CACNA1C: variants seen among roughly 807,000 people sequenced by gnomAD.
CACNA1C encodes the protein calcium voltage-gated channel subunit alpha1 C, also known as voltage-dependent L-type calcium channel subunit alpha-1C.
A neutral mutation model predicts 229.0 loss-of-function variants in CACNA1C; 30 were observed. The ratio of observed to expected loss-of-function variants is 0.13; its 90% CI spans 0.10 to 0.18. CACNA1C has a LOEUF of 0.18. CACNA1C is among the 10% of genes least tolerant of loss of function. CACNA1C has a pLI of 1.00. For synonymous variants in CACNA1C, 1,114 were observed against 1,132.5 expected (o/e 0.98, Z 0.33); for missense variants, 1,658 against 2,845.0 (o/e 0.58, Z 9.49).
chr12:2,165,177 C>T (rs1343516196), intron 3 of CACNA1C, among the ~76,000 whole-genome samples: 1 of 152,192 alleles, frequency 6.6e-6, no homozygotes, highest in Non-Finnish European at 1.5e-5. Context: ...GTGAGTGATT[C>T]AAACAGGCTG....
In CACNA1C at chr12:2,135,593, G is replaced by C. The variant is rs1419302850; in HGVS notation, c.477+15163G>C. ...GAGAGGTGTCAGTCTGCCCCTGCTGGGGGGTGCCTCCCAGTTAGGCTGCTC... is the reference window on the plus strand; with the variant it reads ...GAGAGGTGTCAGTCTGCCCCTGCTGCGGGGTGCCTCCCAGTTAGGCTGCTC... On this transcript the variant is annotated intron_variant, in intron 3 of 46. Transcript: ENST00000399655. Among the ~76,000 whole-genome samples, 17 of 136,298 alleles carry C rather than the reference G, an allele frequency of 1.2e-4. 1 individual carries two copies. In the East Asian group the frequency reaches 1.4e-3, roughly 11 times the overall value. 89.4% of individuals were successfully genotyped at this position (136,298 alleles called of 152,430 possible).
At chr12:2,113,511 C>T (rs2082575721) in intron 1 of CACNA1C, among the ~76,000 whole-genome samples, 1 of 152,108 alleles carries the variant, frequency 6.6e-6, no homozygotes, top group South Asian at 2.1e-4. Flanking sequence ...CCAGCAGCTT[C>T]CCTGGAAGAC....
At position 2,519,884 on chromosome 12, in the gene CACNA1C, G is replaced by C. The variant is rs188668270; in HGVS notation, c.1390+6900G>C. Among the ~76,000 whole-genome samples, 346 of 152,380 alleles carry C rather than the reference G, an allele frequency of 2.3e-3. 2 individuals are homozygous for C. The highest frequency in any genetic ancestry group is 3.5e-3 in the Non-Finnish European group (236 of 68,046). On this transcript the variant is annotated intron_variant, in intron 9 of 46. Transcript: ENST00000399655. ...ACCTTTGGAGCACAGCCTGGCTGCT[G>C]TGCTATCTGGCCCCGTAAGTGTACA...
At position 2,467,715 on chromosome 12, in the gene CACNA1C, C is replaced by A. The variant is rs1292995049; in HGVS notation, c.757+10009C>A. On this transcript the variant is annotated intron_variant, in intron 5 of 46. Transcript: ENST00000399655. This position sits in a 1 kb window ranked among gnomAD's most constrained non-coding sequence, Gnocchi z 4.6. ...CACCTGCCAGGCCCACCCTCTCCCC[C>A]GGTGTCTCCTGATCTCCCAGTGTGG... Among the ~76,000 whole-genome samples, 1 of 152,206 alleles carries A rather than the reference C, an allele frequency of 6.6e-6. No homozygotes were observed. The highest frequency in any genetic ancestry group is 2.4e-5 in the African/African-American group (1 of 41,460).
chr12:2,395,582 A>G (rs939559618), intron 3 of CACNA1C, among the ~76,000 whole-genome samples: 4 of 152,070 alleles, frequency 2.6e-5, no homozygotes, highest in African/African-American at 9.7e-5. Flanking sequence ...CAGAGGCTGT[A>G]GTTACAGGGA....
intron 3 of CACNA1C, among the ~76,000 whole-genome samples, chr12:2,199,159 A>G (rs1350821467): frequency 1.3e-5 from 2 of 152,058 alleles, no homozygotes; most frequent in Non-Finnish European, 2.9e-5. Flanking sequence ...GCCACGAATT[A>G]TACTTCCTCA....
At chr12:2,228,753 A>G (rs1249528083) in intron 3 of CACNA1C, among the ~76,000 whole-genome samples, 7 of 152,152 alleles carry the variant, frequency 4.6e-5, no homozygotes, top group Admixed American at 4.6e-4. Context: ...GCTACCTGGC[A>G]TGAACAGTGC....
rs552549958 is a variant in CACNA1C, at chr12:2,493,490, C to T, written c.1113+104C>T. 10 of 827,570 alleles carry T rather than the reference C, an allele frequency of 1.2e-5. No homozygotes were observed. The highest frequency in any genetic ancestry group is 6.1e-5 in the Admixed American group (3 of 49,006). The allele number at this position is 827,570 out of a possible 1,614,324, so 51.3% of individuals were successfully genotyped here. A position where few individuals can be genotyped will look rare whatever the true frequency, so the allele number is the denominator to read the frequency against. On this transcript the variant is annotated intron_variant, in intron 7 of 46. Transcript: ENST00000399655. The surrounding 1 kb of genome is among the most constrained non-coding windows in gnomAD (Gnocchi z 4.6). The stretch of plus-strand genomic sequence containing the variant: ...CTCCCCATGGTCTTGGGGTCACATA[C>T]GCATCTTGATGGAATGGTTGATGAA...
rs2099699231 is a variant in CACNA1C, at chr12:2,486,723, T to A, written c.916+461T>A. Among the ~76,000 whole-genome samples the A allele has an allele frequency of 6.6e-6, 1 of 152,216 alleles. No homozygotes were observed. Among genetic ancestry groups the A allele is most frequent in the Admixed American group, 6.5e-5 (1 of 15,284 alleles). On this transcript the variant is annotated intron_variant, in intron 6 of 46. Coordinates refer to ENST00000399655, the MANE Select transcript of CACNA1C (RefSeq NM_000719.7). The surrounding 1 kb of genome is among the most constrained non-coding windows in gnomAD (Gnocchi z 4.9). ...TCCCAGCACCACTCTAAGATTTTTC[T>A]ACCTTCATGGTGCTGATTCCAGATC...
intron 4 of CACNA1C, among the ~76,000 whole-genome samples, chr12:2,452,236 A>G (rs886264974): frequency 6.6e-6 from 1 of 151,770 alleles, no homozygotes; most frequent in African/African-American, 2.4e-5. Flanking sequence ...GGCACAAGAC[A>G]CGTGGCATTT....
Position 2,582,867 on chromosome 12 carries a change from A to G in CACNA1C, c.2149A>G (p.Met717Val). ...GAATTCGGTGATGTATGATGGGATC[A>G]TGGCTTATGGCGGCCCCTCTTTTCC... ...DWNSVMYDGI[M>V]AYGGPSFPGM... is the part of the protein sequence containing the mutation. The change falls in exon 15 of 47, where the codon ATG (methionine) becomes GTG (valine). Residue 717 changes from methionine (M) to valine (V), a missense_variant. This residue lies in a region of CACNA1C where 30 missense variants were observed against 73.2 expected (regional missense o/e 0.41). Coordinates refer to ENST00000399655, the MANE Select transcript of CACNA1C (RefSeq NM_000719.7). 2 of 1,612,172 alleles carry G rather than the reference A, an allele frequency of 1.2e-6. No homozygotes were observed. Among genetic ancestry groups the G allele is most frequent in the Non-Finnish European group, 1.7e-6 (2 of 1,178,958 alleles).
chr12:2,096,487 A>T (rs1036454823), intron 1 of CACNA1C, among the ~76,000 whole-genome samples: 3 of 151,976 alleles, frequency 2.0e-5, no homozygotes, highest in African/African-American at 4.8e-5. Flanking sequence ...CTGAGGACAG[A>T]CCTCTTTCTC....
intron 1 of CACNA1C, among the ~76,000 whole-genome samples, chr12:2,003,903 C>T (rs905708266): frequency 2.0e-5 from 3 of 152,144 alleles, no homozygotes; most frequent in African/African-American, 7.2e-5. Flanking sequence ...GCTGTCCCTG[C>T]CTCCCCCATA....
At chr12:2,140,962 A>C (rs1190975077) in intron 3 of CACNA1C, among the ~76,000 whole-genome samples, 1 of 151,260 alleles carries the variant, frequency 6.6e-6, no homozygotes, top group Non-Finnish European at 1.5e-5. Context: ...GTTCCAGGGT[A>C]AGGGCCCACC....
rs1447370487 is a variant in CACNA1C at position 2,486,841 on chromosome 12, C to G, written c.916+579C>G. ...GGAGGAGGGCAGGTGGGAATCACCC[C>G]CTTGCCGGCAGCCAAACTTCCTCCC... On this transcript the variant is annotated intron_variant, in intron 6 of 46. Coordinates refer to ENST00000399655, the MANE Select transcript of CACNA1C (RefSeq NM_000719.7). The surrounding 1 kb of genome is among the most constrained non-coding windows in gnomAD (Gnocchi z 4.9). 1.3e-5 allele frequency among the ~76,000 whole-genome samples: 2 copies of G among 152,176 alleles called. No individual in the cohort carries two copies. Among genetic ancestry groups the G allele is most frequent in the Non-Finnish European group, 1.5e-5 (1 of 68,024 alleles).
Position 2,144,463 on chromosome 12 carries a change from C to G in CACNA1C, c.477+24033C>G, listed in dbSNP as rs1310310507. 1.3e-5 allele frequency among the ~76,000 whole-genome samples: 2 copies of G among 151,286 alleles called. 1 individual carries two copies. The highest frequency in any genetic ancestry group is 3.0e-5 in the Non-Finnish European group (2 of 67,670). On this transcript the variant is annotated intron_variant, in intron 3 of 46. Coordinates refer to ENST00000399655, the MANE Select transcript of CACNA1C (RefSeq NM_000719.7). ...CATTCAACAATTACCTATCGAGCAC[C>G]TATCATGTATGAGACACAGCAGTGC...
At chr12:2,090,738 T>C (rs979586427) in intron 1 of CACNA1C, among the ~76,000 whole-genome samples, 6 of 152,208 alleles carry the variant, frequency 3.9e-5, no homozygotes, top group African/African-American at 1.4e-4. Context: ...TGCTTTGAGT[T>C]CTTTTGGATA....
Position 2,607,110 on chromosome 12 carries a change from C to T in CACNA1C, c.3336C>T (p.Ser1112=), listed in dbSNP as rs2075715424. The T allele has an allele frequency of 6.2e-7, 1 of 1,613,258 alleles. No homozygotes were observed. Among genetic ancestry groups the T allele is most frequent in the African/African-American group, 1.3e-5 (1 of 74,922 alleles). Residue 1112 remains serine, a synonymous_variant, in exon 26 of 47, where the codon TCC becomes TCT. Transcript: ENST00000399655. ...LAAMMALFTV[S]TFEGWPELLY... is the part of the protein sequence containing the mutation. ...CCATGATGGCCCTCTTCACCGTCTC[C>T]ACCTTCGAAGGGTGGCCAGAGTGAG...
chr12:2,186,648 C>T (rs190209576), intron 3 of CACNA1C, among the ~76,000 whole-genome samples: 3 of 152,290 alleles, frequency 2.0e-5, no homozygotes, highest in African/African-American at 4.8e-5. Flanking sequence ...AGCACTTACA[C>T]GTTTCCATAG....
Sources: allele counts gnomAD v4.1 joint callset (sites outside exome capture counted in the v4.1 genomes callset), GRCh38; gene constraint gnomAD v4.1.1; regional missense constraint gnomAD v4.1.1; non-coding constraint Gnocchi (gnomAD v3.1); transcripts MANE v1.5; gene names NCBI Gene and HGNC (gene_info 2026-07-23, HGNC 2026-07-21).